Variants in CDH13 observed in about 807,000 individuals in gnomAD.
CDH13 encodes the protein cadherin-13.
CDH13 carries 24 observed loss-of-function variants against 63.8 expected under a neutral mutation model. The ratio of observed to expected loss-of-function variants is 0.38; its 90% CI spans 0.27 to 0.53. CDH13 has a LOEUF of 0.53. Among genes scored for constraint, CDH13 ranks in the 20% least tolerant of loss-of-function variants. CDH13 has a pLI of 0.85. For synonymous variants in CDH13, 503 were observed against 355.3 expected (o/e 1.42, Z -4.67); for missense variants, 1,049 against 903.1 (o/e 1.16, Z -2.07).
intron 2 of CDH13, among the ~76,000 whole-genome samples, chr16:83,011,483 C>A (rs997280422): frequency 6.6e-6 from 1 of 152,154 alleles, no homozygotes. Context: ...ATGGTAATCC[C>A]CAGGGGCTTG....
intron 5 of CDH13, among the ~76,000 whole-genome samples, chr16:83,311,962 T>C (rs986227039): frequency 6.7e-6 from 1 of 150,370 alleles, no homozygotes; most frequent in African/African-American, 2.5e-5. Context: ...TAATCCCAGC[T>C]CTCGGGAGGC....
At chr16:82,903,487 GTT>G (rs1248468920) in intron 2 of CDH13, among the ~76,000 whole-genome samples, 1 of 152,122 alleles carries the variant, frequency 6.6e-6, no homozygotes, top group Admixed American at 6.5e-5. Flanking sequence ...TTCCCACCTA[GTT>G]TTTTCCTAAT....
At chr16:83,770,778 C>A (rs951440999) in intron 11 of CDH13, among the ~76,000 whole-genome samples, 1 of 152,142 alleles carries the variant, frequency 6.6e-6, no homozygotes, top group Non-Finnish European at 1.5e-5. Context: ...ACCCTTGTCA[C>A]CATGTTGATT....
At chr16:83,084,133 C>T (rs4783322) in intron 3 of CDH13, among the ~76,000 whole-genome samples, 85,700 of 152,058 alleles carry the variant, frequency 0.56, 25,335 homozygotes, top group African/African-American at 0.73. Flanking sequence ...AGGTAGCGCT[C>T]TTCACACCCA....
chr16:83,060,979 C>G (rs1254703447), intron 3 of CDH13, among the ~76,000 whole-genome samples: 1 of 152,190 alleles, frequency 6.6e-6, no homozygotes, highest in African/African-American at 2.4e-5. Flanking sequence ...GACTCTCACT[C>G]CTACACTCCT....
intron 2 of CDH13, among the ~76,000 whole-genome samples, chr16:82,866,925 T>G (rs1025639727): frequency 6.6e-6 from 1 of 152,144 alleles, no homozygotes; most frequent in Non-Finnish European, 1.5e-5. Flanking sequence ...ATGTGGGGAT[T>G]ATGGGTATGA....
At chr16:82,886,167 C>G (rs1490525882) in intron 2 of CDH13, among the ~76,000 whole-genome samples, 1 of 152,160 alleles carries the variant, frequency 6.6e-6, no homozygotes, top group Non-Finnish European at 1.5e-5. Context: ...TATTTATAAT[C>G]AAACTGTTAT....
intron 1 of CDH13, among the ~76,000 whole-genome samples, chr16:82,728,901 C>A (rs1252899594): frequency 2.6e-5 from 4 of 152,130 alleles, no homozygotes; most frequent in African/African-American, 9.7e-5. Context: ...TGTTTTAAAT[C>A]TTTTGTTGTC....
intron 5 of CDH13, among the ~76,000 whole-genome samples, chr16:83,319,014 C>T (rs1005990171): frequency 2.0e-5 from 3 of 150,546 alleles, no homozygotes; most frequent in African/African-American, 7.3e-5. Flanking sequence ...ATATATTATA[C>T]AAAATATATA....
At chr16:83,721,657 G>C (rs1380547504) in intron 10 of CDH13, 1 of 152,240 alleles carries the variant, frequency 6.6e-6, no homozygotes, top group Non-Finnish European at 1.5e-5. Context: ...GGAGCTGTAA[G>C]AAATCCAAAC....
At chr16:83,132,519 C>T (rs1597390521) in intron 4 of CDH13, among the ~76,000 whole-genome samples, 1 of 136,332 alleles carries the variant, frequency 7.3e-6, no homozygotes, top group South Asian at 2.4e-4. Flanking sequence ...GCAATCTCTG[C>T]TCACTGCAAC....
Position 82,699,831 on chromosome 16 carries a change from C to T in CDH13, c.45+72694C>T, listed in dbSNP as rs547989649. ...AGCTGTTGAGAGAGGAATGTCCCAT[C>T]TAGTTTTTACAAACAATAAATAATA... On this transcript the variant is annotated intron_variant, in intron 1 of 13. Coordinates refer to ENST00000567109, the MANE Select transcript of CDH13 (RefSeq NM_001257.5). Among the ~76,000 whole-genome samples the T allele has an allele frequency of 3.3e-5, 5 of 152,348 alleles. No homozygotes were observed. In the South Asian group the frequency reaches 8.3e-4, roughly 25 times the overall value.
intron 7 of CDH13, among the ~76,000 whole-genome samples, chr16:83,515,978 T>C (rs1156989570): frequency 6.6e-6 from 1 of 152,236 alleles, no homozygotes; most frequent in African/African-American, 2.4e-5. Context: ...ATGTTCTTTG[T>C]ATTAGCTGAA....
At chr16:83,252,967 A>G (rs1426818399) in intron 5 of CDH13, among the ~76,000 whole-genome samples, 1 of 152,178 alleles carries the variant, frequency 6.6e-6, no homozygotes, top group Non-Finnish European at 1.5e-5. Context: ...CCTCTCTTCT[A>G]AAGTGTGTCT....
intron 4 of CDH13, among the ~76,000 whole-genome samples, chr16:83,210,582 A>C (rs554090849): frequency 3.9e-5 from 6 of 152,210 alleles, no homozygotes; most frequent in Admixed American, 3.9e-4. Flanking sequence ...CTCTGAGGAC[A>C]AAGCAGACAA....
intron 1 of CDH13, among the ~76,000 whole-genome samples, chr16:82,797,968 C>G (rs764238162): frequency 6.6e-5 from 10 of 152,100 alleles, no homozygotes; most frequent in Non-Finnish European, 1.5e-4. Flanking sequence ...AGTGGTCTCT[C>G]CTGTCACCAC....
chr16:83,397,608 T>A (rs1380758205), intron 6 of CDH13: 1 of 152,096 alleles, frequency 6.6e-6, no homozygotes, highest in Non-Finnish European at 1.5e-5. Flanking sequence ...ACCCCAATAC[T>A]TAGGAGGAAT....
chr16:82,654,810 A>C (rs1330593623), intron 1 of CDH13, among the ~76,000 whole-genome samples: 1 of 151,720 alleles, frequency 6.6e-6, no homozygotes, highest in African/African-American at 2.4e-5. Flanking sequence ...AGTATTAACC[A>C]CGTGAAGCAG....
chr16:83,468,599 C>G (rs2073376876), intron 6 of CDH13, among the ~76,000 whole-genome samples: 2 of 152,114 alleles, frequency 1.3e-5, no homozygotes, highest in South Asian at 2.1e-4. Context: ...CCCAGCCACA[C>G]TTGTGTGAGG....
Sources: allele counts gnomAD v4.1 joint callset (sites outside exome capture counted in the v4.1 genomes callset), GRCh38; gene constraint gnomAD v4.1.1; transcripts MANE v1.5; gene names NCBI Gene and HGNC (gene_info 2026-07-23, HGNC 2026-07-21).